Variants in SMYD3 observed in about 807,000 individuals in gnomAD.
The protein encoded by SMYD3 is SET and MYND domain containing 3, also known as histone-lysine N-methyltransferase SMYD3.
In SMYD3, 36 loss-of-function variants were observed where a neutral mutation model predicts 57.7. That is an observed-to-expected ratio of 0.62 (90% CI 0.48 to 0.82). The LOEUF is 0.82. Ranked by LOEUF, SMYD3 falls within the 40% of genes least tolerant of loss-of-function variation. SMYD3 has a pLI of 0.00. For synonymous variants in SMYD3, 211 were observed against 195.0 expected, an observed-to-expected ratio of 1.08 and a Z score of -0.68; for missense variants, 515 against 538.8, an observed-to-expected ratio of 0.96 and a Z score of 0.44.
intron 5 of SMYD3, among the ~76,000 whole-genome samples, chr1:246,134,869 G>A (rs2061644016): frequency 6.8e-6 from 1 of 147,756 alleles, no homozygotes; most frequent in Non-Finnish European, 1.5e-5. Context: ...TATTTTTAAA[G>A]TGTGCTTGTT....
chr1:245,891,898 T>G (rs892784869), intron 8 of SMYD3, among the ~76,000 whole-genome samples: 1 of 152,048 alleles, frequency 6.6e-6, no homozygotes, highest in African/African-American at 2.4e-5. Flanking sequence ...TTTTAAAAAT[T>G]AGCAGGGCAT....
chr1:246,174,768 C>G (rs2062405105), intron 5 of SMYD3, among the ~76,000 whole-genome samples: 1 of 152,174 alleles, frequency 6.6e-6, no homozygotes, highest in Admixed American at 6.5e-5. Flanking sequence ...AACAGTGGAT[C>G]TATTCCAGGA....
intron 1 of SMYD3, among the ~76,000 whole-genome samples, chr1:246,481,621 T>TATATATACACAC (rs1307881494): frequency 1.0e-5 from 1 of 98,550 alleles, no homozygotes; most frequent in African/African-American, 3.7e-5. Flanking sequence ...CATACATATA[T>TATATATACACAC]ACATACATAC....
chr1:246,088,853 T>A (rs1573004060), intron 5 of SMYD3, among the ~76,000 whole-genome samples: 1 of 152,336 alleles, frequency 6.6e-6, no homozygotes, highest in Admixed American at 6.5e-5. Context: ...TTTATCTTTA[T>A]GAAATTTATG....
At chr1:246,414,546 T>A (rs1413172568) in intron 1 of SMYD3, among the ~76,000 whole-genome samples, 1 of 152,134 alleles carries the variant, frequency 6.6e-6, no homozygotes, top group Non-Finnish European at 1.5e-5. Context: ...ACTGTCATTA[T>A]TTTTAAGGCT....
intron 8 of SMYD3, among the ~76,000 whole-genome samples, chr1:245,879,333 T>A (rs755427698): frequency 1.3e-5 from 2 of 152,226 alleles, no homozygotes; most frequent in Non-Finnish European, 2.9e-5. Context: ...CAAAGTGCTG[T>A]GCATAGCAAC....
chr1:246,302,635 G>C (rs758368548), intron 5 of SMYD3, among the ~76,000 whole-genome samples: 4 of 152,108 alleles, frequency 2.6e-5, no homozygotes, highest in Non-Finnish European at 5.9e-5. Context: ...TAAGTAGGCT[G>C]AGTATAGCAA....
At chr1:245,902,103 A>T (rs747477028) in intron 8 of SMYD3, among the ~76,000 whole-genome samples, 1 of 152,116 alleles carries the variant, frequency 6.6e-6, no homozygotes, top group Non-Finnish European at 1.5e-5. Flanking sequence ...ACATCCCTGG[A>T]ATGCCACTGA....
intron 5 of SMYD3, among the ~76,000 whole-genome samples, chr1:245,943,370 A>C (rs12742327): frequency 0.54 from 82,116 of 151,920 alleles, 27,370 homozygotes; most frequent in Non-Finnish European, 0.76. Context: ...CTCTATGCAA[A>C]TAAACTAGAA....
At chr1:246,275,014 T>A (rs1353739592) in intron 5 of SMYD3, among the ~76,000 whole-genome samples, 5 of 152,192 alleles carry the variant, frequency 3.3e-5, no homozygotes, top group African/African-American at 1.2e-4. Context: ...TTTTGACTTT[T>A]ATAGGCAGAT....
chr1:245,808,279 T>C (rs939819195), intron 10 of SMYD3, among the ~76,000 whole-genome samples: 1 of 152,110 alleles, frequency 6.6e-6, no homozygotes, highest in African/African-American at 2.4e-5. Context: ...CTGGCACCAA[T>C]ATGGGCATGC....
intron 10 of SMYD3, among the ~76,000 whole-genome samples, chr1:245,816,975 C>T (rs531692307): frequency 1.4e-3 from 207 of 151,294 alleles, no homozygotes; most frequent in Admixed American, 7.6e-3. Context: ...GGGGGAGGGG[C>T]GCCCGCCATT....
intron 4 of SMYD3, 80 bp from the exon 5 acceptor site, chr1:246,327,417 T>C: frequency 8.2e-7 from 1 of 1,217,014 alleles, no homozygotes; most frequent in Non-Finnish European, 1.2e-6. Flanking sequence ...ATGCTGGCTG[T>C]TAAACCAGAT....
At chr1:245,829,348 G>T (rs1284533333) in intron 10 of SMYD3, among the ~76,000 whole-genome samples, 2 of 152,036 alleles carry the variant, frequency 1.3e-5, no homozygotes, top group Non-Finnish European at 2.9e-5. Flanking sequence ...CACAGCAGGG[G>T]GAGTTTCCAT....
chr1:246,128,023 T>C (rs1162315430), intron 5 of SMYD3, among the ~76,000 whole-genome samples: 1 of 151,330 alleles, frequency 6.6e-6, no homozygotes, highest in African/African-American at 2.5e-5. Context: ...AAGTATGCAT[T>C]TATTATTATC....
At chr1:246,132,074 T>A (rs915554663) in intron 5 of SMYD3, among the ~76,000 whole-genome samples, 1 of 152,146 alleles carries the variant, frequency 6.6e-6, no homozygotes, top group Non-Finnish European at 1.5e-5. Flanking sequence ...AGTCCTGGAA[T>A]TGGGACAATT....
At chr1:246,017,409 C>T (rs75410923) in intron 5 of SMYD3, among the ~76,000 whole-genome samples, 1 of 152,110 alleles carries the variant, frequency 6.6e-6, no homozygotes, top group Non-Finnish European at 1.5e-5. Flanking sequence ...CTTTTCACAG[C>T]AAAAGGTTCC....
At chr1:246,023,489 A>G (rs1310393885) in intron 5 of SMYD3, among the ~76,000 whole-genome samples, 3 of 152,224 alleles carry the variant, frequency 2.0e-5, no homozygotes, top group Non-Finnish European at 4.4e-5. Flanking sequence ...TCAGTAGAAA[A>G]GAGTTGTTCT....
chr1:246,261,258 C>T (rs573733039), intron 5 of SMYD3, among the ~76,000 whole-genome samples: 4 of 151,996 alleles, frequency 2.6e-5, no homozygotes, highest in African/African-American at 7.2e-5. Context: ...TGGGTTTCAC[C>T]GTGTTAGCCA....
Sources: allele counts gnomAD v4.1 joint callset (sites outside exome capture counted in the v4.1 genomes callset), GRCh38; gene constraint gnomAD v4.1.1; transcripts MANE v1.5; gene names NCBI Gene and HGNC (gene_info 2026-07-23, HGNC 2026-07-21).